The following TMEM187 variants were observed in gnomAD, a reference collection of about 807,000 sequenced individuals.
TMEM187 encodes chromosome X open reading frame 12.
In TMEM187, 14 loss-of-function variants were observed where a neutral mutation model predicts 11.8. That is an observed-to-expected ratio of 1.18 (90% CI 0.78 to 1.85). TMEM187 has a LOEUF of 1.85. Ranked by LOEUF, TMEM187 falls within the 40% of genes most tolerant of loss-of-function variation. The pLI, the probability that TMEM187 is intolerant of heterozygous loss-of-function variation, is 0.00. For missense variants in TMEM187, 227 were observed against 243.9 expected, an observed-to-expected ratio of 0.93 and a Z score of 0.46; for synonymous variants, 112 against 118.5, an observed-to-expected ratio of 0.95 and a Z score of 0.36.
chrX:153,983,006 G>A lies in TMEM187; in HGVS notation c.*158G>A, dbSNP rs781834766. The stretch of plus-strand genomic sequence containing the variant: ...AGAAGCTGCGGGCTTCGGTGTGGAG[G>A]GGTGGAGTGCTGTGATCTCGACAAC... On this transcript the variant is annotated 3_prime_UTR_variant, in exon 2 of 2. Coordinates refer to ENST00000369982, the MANE Select transcript of TMEM187 (RefSeq NM_003492.3). The A allele has an allele frequency of 9.3e-5, 99 of 1,065,678 alleles. No individual in the cohort carries two copies. In the African/African-American group the frequency reaches 1.5e-3, roughly 16 times the overall value. 87.8% of individuals were successfully genotyped at this position (1,065,678 alleles called of 1,213,427 possible).
intron 1 of TMEM187, among the ~76,000 whole-genome samples, chrX:153,978,708 C>T (rs1256804214): frequency 6.5e-5 from 7 of 108,373 alleles, no homozygotes; most frequent in African/African-American, 2.0e-4. Flanking sequence ...CTCAGCCTCC[C>T]GAGTAGCTGG....
Sources: gnomAD v4.1 joint callset for allele counts (sites outside exome capture counted in the v4.1 genomes callset) on GRCh38, gnomAD v4.1.1 for gene constraint, MANE v1.5 for transcripts, NCBI Gene and HGNC (gene_info 2026-07-23, HGNC 2026-07-21) for gene names.